The following PPFIA2 variants were observed in gnomAD, a reference collection of about 807,000 sequenced individuals.
PPFIA2 encodes liprin-alpha-2.
A neutral mutation model predicts 175.5 loss-of-function variants in PPFIA2; 46 were observed. The observed-to-expected ratio is 0.26, with a 90% CI of 0.21 to 0.34. The LOEUF (loss-of-function observed/expected upper bound fraction) is 0.34, where lower values mean the gene tolerates loss of function less well. Among genes scored for constraint, PPFIA2 ranks in the 10% least tolerant of loss-of-function variants. The pLI is 1.00. For missense variants in PPFIA2, 1,179 were observed against 1,506.1 expected (o/e 0.78, Z 3.60); for synonymous variants, 568 against 511.4 (o/e 1.11, Z -1.49).
At chr12:81,267,839 AT>A in intron 29 of PPFIA2, 72 bp downstream of exon 29, 2 of 1,409,132 alleles carry the variant, frequency 1.4e-6, no homozygotes, top group Non-Finnish European at 9.6e-7. Flanking sequence ...TACACAGCCA[AT>A]TTTTTTCTAA....
chr12:81,677,376 T>C (rs1174506266), intron 3 of PPFIA2, among the ~76,000 whole-genome samples: 1 of 152,008 alleles, frequency 6.6e-6, no homozygotes, highest in Non-Finnish European at 1.5e-5. Flanking sequence ...CTGGCTATCA[T>C]GAAATATACA....
chr12:81,389,269 T>G (rs1053873764), intron 8 of PPFIA2, among the ~76,000 whole-genome samples: 9 of 151,006 alleles, frequency 6.0e-5, no homozygotes, highest in African/African-American at 2.2e-4. Context: ...GAAAAATGTT[T>G]GTTCCAATTC....
At chr12:81,485,676 A>C (rs1195381690) in intron 4 of PPFIA2, among the ~76,000 whole-genome samples, 1 of 151,952 alleles carries the variant, frequency 6.6e-6, no homozygotes, top group African/African-American at 2.4e-5. Context: ...ATTTTGTGCA[A>C]GAAATGTATA....
Position 81,294,904 on chromosome 12 carries a change from T to A in PPFIA2, c.2856A>T (p.Leu952Phe). 6.2e-7 allele frequency: 1 copy of A among 1,613,628 alleles called. No individual in the cohort carries two copies. The highest frequency in any genetic ancestry group is 8.5e-7 in the Non-Finnish European group (1 of 1,179,734). The change falls in exon 24 of 33, where the codon TTA becomes TTT. Residue 952 changes from leucine to phenylalanine, a missense_variant. Transcript: ENST00000549396. Reference sequence around the variant, plus strand: ...TCTCCTGGATTGCTAATCGAAGTTTTAAGCGATGCAGTGGATTGCTGATTC... The same window carrying A: ...TCTCCTGGATTGCTAATCGAAGTTTAAAGCGATGCAGTGGATTGCTGATTC... ...EIGISNPLHR[L>F]KLRLAIQEMV...
At chr12:81,684,087 T>C (rs2074087208) in intron 3 of PPFIA2, among the ~76,000 whole-genome samples, 1 of 152,094 alleles carries the variant, frequency 6.6e-6, no homozygotes, top group Admixed American at 6.6e-5. Flanking sequence ...AATTTCAACA[T>C]GAGGTTTGAA....
At chr12:81,533,658 C>G (rs1851613273) in intron 4 of PPFIA2, among the ~76,000 whole-genome samples, 2 of 151,484 alleles carry the variant, frequency 1.3e-5, no homozygotes, top group African/African-American at 4.8e-5. Flanking sequence ...TATACCAAAA[C>G]TCCTCTTTGA....
chr12:81,462,929 TCATTGGATCTATCA>T (rs945651539), intron 4 of PPFIA2, among the ~76,000 whole-genome samples: 2 of 152,016 alleles, frequency 1.3e-5, no homozygotes, highest in Non-Finnish European at 2.9e-5. Context: ...TATCATTTGT[TCATTGGATCTATCA>T]CATTGGTCTT....
At chr12:81,366,471 C>T (rs1184134967) in intron 14 of PPFIA2, among the ~76,000 whole-genome samples, 1 of 151,630 alleles carries the variant, frequency 6.6e-6, no homozygotes, top group African/African-American at 2.4e-5. Context: ...CCTACTTTCC[C>T]TTAAATCTTC....
Position 81,594,619 on chromosome 12 carries a change from A to G in PPFIA2, c.303+82172T>C, listed in dbSNP as rs192576385. On this transcript the variant is annotated intron_variant, in intron 4 of 32. Transcript: ENST00000549396. ...GAATAGAGAAACTTGGTGAGCCTCAAAAGAATGTTTCGTAGCCTGGTGGGG... is the reference window on the plus strand; with the variant it reads ...GAATAGAGAAACTTGGTGAGCCTCAGAAGAATGTTTCGTAGCCTGGTGGGG... 4.0e-4 allele frequency among the ~76,000 whole-genome samples: 61 copies of G among 152,296 alleles called. No homozygotes were observed. In the East Asian group the frequency reaches 0.01, roughly 25 times the overall value.
At chr12:81,664,887 G>A (rs1207547344) in intron 4 of PPFIA2, among the ~76,000 whole-genome samples, 1 of 151,998 alleles carries the variant, frequency 6.6e-6, no homozygotes. Context: ...GTCCTTTGTA[G>A]GGACATGGAT....
At chr12:81,750,779 T>A (rs1015066318) in intron 3 of PPFIA2, among the ~76,000 whole-genome samples, 2 of 152,154 alleles carry the variant, frequency 1.3e-5, no homozygotes, top group South Asian at 4.1e-4. Context: ...GTGACTAAAG[T>A]AAAGCTCCAA....
intron 7 of PPFIA2, among the ~76,000 whole-genome samples, chr12:81,425,804 T>C (rs1163224938): frequency 6.6e-6 from 1 of 152,208 alleles, no homozygotes; most frequent in South Asian, 2.1e-4. Context: ...TATCTCCCAA[T>C]GACACTGTTT....
chr12:81,447,875 A>C (rs531022314), intron 5 of PPFIA2, among the ~76,000 whole-genome samples: 5 of 152,314 alleles, frequency 3.3e-5, no homozygotes, highest in African/African-American at 9.6e-5. Context: ...CCTATATGAA[A>C]GCTAAGCCTG....
At chr12:81,275,783 T>C (rs2136645708) in intron 28 of PPFIA2, among the ~76,000 whole-genome samples, 1 of 151,482 alleles carries the variant, frequency 6.6e-6, no homozygotes, top group Non-Finnish European at 1.5e-5. Context: ...TTTCTTCTTT[T>C]TTTTTTTTTT....
At chr12:81,572,104 C>T (rs947273652) in intron 4 of PPFIA2, among the ~76,000 whole-genome samples, 1 of 152,068 alleles carries the variant, frequency 6.6e-6, no homozygotes, top group Admixed American at 6.6e-5. Context: ...CCATGCTGGT[C>T]TCCTTGCTTT....
intron 4 of PPFIA2, among the ~76,000 whole-genome samples, chr12:81,533,737 A>ATC (rs1567218670): frequency 6.1e-4 from 42 of 68,712 alleles, no homozygotes; most frequent in Admixed American, 1.4e-3. Context: ...CTATCTATCT[A>ATC]TATATCTATC....
At chr12:81,526,817 GT>G (rs2063784497) in intron 4 of PPFIA2, among the ~76,000 whole-genome samples, 1 of 152,112 alleles carries the variant, frequency 6.6e-6, no homozygotes, top group Non-Finnish European at 1.5e-5. Flanking sequence ...AGTAGGTTTA[GT>G]TTGCATATCA....
intron 4 of PPFIA2, among the ~76,000 whole-genome samples, chr12:81,503,246 C>A (rs1367981558): frequency 6.6e-6 from 1 of 151,808 alleles, no homozygotes; most frequent in Non-Finnish European, 1.5e-5. Context: ...TTTTATTTTT[C>A]CTTTTAGAAG....
intron 5 of PPFIA2, among the ~76,000 whole-genome samples, chr12:81,446,756 A>G (rs1166116231): frequency 1.3e-5 from 2 of 152,196 alleles, no homozygotes; most frequent in Non-Finnish European, 2.9e-5. Flanking sequence ...TAAAGAAAAC[A>G]ACTTTATTTT....
Sources: gnomAD v4.1 joint callset for allele counts (sites outside exome capture counted in the v4.1 genomes callset) on GRCh38, gnomAD v4.1.1 for gene constraint, MANE v1.5 for transcripts, NCBI Gene and HGNC (gene_info 2026-07-23, HGNC 2026-07-21) for gene names.